Variants in CNTNAP2 observed in about 807,000 individuals in gnomAD.
CNTNAP2 encodes contactin associated protein 2.
CNTNAP2 carries 98 observed loss-of-function variants against 155.2 expected under a neutral mutation model. The observed-to-expected ratio is 0.63, with a 90% CI of 0.54 to 0.75. The LOEUF (loss-of-function observed/expected upper bound fraction) is 0.75, where lower values mean the gene tolerates loss of function less well. Among genes scored for constraint, CNTNAP2 ranks in the 30% least tolerant of loss-of-function variants. CNTNAP2 has a pLI of 0.00. For missense variants in CNTNAP2, 1,727 were observed against 1,688.1 expected (o/e 1.02, Z -0.40); for synonymous variants, 651 against 631.2 (o/e 1.03, Z -0.47).
intron 21 of CNTNAP2, among the ~76,000 whole-genome samples, chr7:148,337,596 C>T (rs886969): frequency 0.75 from 113,687 of 152,128 alleles, 42,930 homozygotes; most frequent in Non-Finnish European, 0.81. Flanking sequence ...TTCTCATCTG[C>T]GTCTTGCCAG....
At chr7:146,653,331 T>C (rs1799946550) in intron 1 of CNTNAP2, among the ~76,000 whole-genome samples, 1 of 152,110 alleles carries the variant, frequency 6.6e-6, no homozygotes, top group Non-Finnish European at 1.5e-5. Flanking sequence ...TTATTATCAA[T>C]GTTTATAGGG....
chr7:147,068,520 A>G (rs978300368), intron 4 of CNTNAP2, among the ~76,000 whole-genome samples: 1 of 152,018 alleles, frequency 6.6e-6, no homozygotes, highest in African/African-American at 2.4e-5. Context: ...CACCACGCCA[A>G]GCTAACTTTT....
intron 1 of CNTNAP2, among the ~76,000 whole-genome samples, chr7:146,500,269 A>G (rs1797281788): frequency 6.6e-6 from 1 of 152,290 alleles, no homozygotes; most frequent in Admixed American, 6.5e-5. Flanking sequence ...GCAGCACAGA[A>G]AGCCAATTAC....
intron 3 of CNTNAP2, among the ~76,000 whole-genome samples, chr7:146,966,370 T>C (rs956838911): frequency 6.6e-6 from 1 of 152,136 alleles, no homozygotes; most frequent in Non-Finnish European, 1.5e-5. Context: ...ACATGAAAAT[T>C]CATGTATAAA....
At chr7:146,675,149 A>G (rs1800376563) in intron 1 of CNTNAP2, among the ~76,000 whole-genome samples, 1 of 149,816 alleles carries the variant, frequency 6.7e-6, no homozygotes, top group African/African-American at 2.4e-5. Context: ...AGCACAGAGT[A>G]GGTATCCAGT....
Position 148,113,839 on chromosome 7 carries a change from C to T in CNTNAP2, c.2384-4279C>T, listed in dbSNP as rs963697572. Among the ~76,000 whole-genome samples the T allele has an allele frequency of 7.2e-5, 11 of 152,208 alleles. 2 individuals are homozygous for T. The South Asian group carries it at 8.3e-4, about 11-fold the overall frequency. ...TCTGTAAAGCTTTTGACTCCAGCCC[C>T]GGGCTGGGTCTCCAGTCCCTCTCTA... On this transcript the variant is annotated intron_variant, in intron 15 of 23. Transcript: ENST00000361727.
At chr7:146,936,337 A>T (rs962132202) in intron 3 of CNTNAP2, among the ~76,000 whole-genome samples, 14 of 152,156 alleles carry the variant, frequency 9.2e-5, no homozygotes, top group African/African-American at 3.4e-4. Context: ...AGAACAGACG[A>T]GGTTTTGTTT....
At chr7:147,104,873 CATATATATATATATATATATATATATAT>C (rs56674675) in intron 4 of CNTNAP2, among the ~76,000 whole-genome samples, 30 of 101,410 alleles carry the variant, frequency 3.0e-4, no homozygotes, top group South Asian at 2.5e-3. Context: ...CTTCCTCCCT[CATATATATATATATATATATATATATAT>C]ATATATATAT....
intron 9 of CNTNAP2, among the ~76,000 whole-genome samples, chr7:147,355,573 T>A (rs7805495): frequency 0.033 from 5,066 of 151,230 alleles, 289 homozygotes; most frequent in African/African-American, 0.12. Context: ...AAAGAGAGAA[T>A]CATATAGACA....
At position 148,094,761 on chromosome 7, in the gene CNTNAP2, T is replaced by G. The variant is rs534551484; in HGVS notation, c.2384-23357T>G. On this transcript the variant is annotated intron_variant, in intron 15 of 23. Coordinates refer to ENST00000361727, the MANE Select transcript of CNTNAP2 (RefSeq NM_014141.6). ...CCACTCTTGGCTGAGCGCAATGAGT[T>G]TGGTTTTAGACTTGCTCTTGCAAGC... is the stretch of plus-strand genomic sequence containing the variant. 5.9e-5 allele frequency among the ~76,000 whole-genome samples: 9 copies of G among 152,300 alleles called. No homozygotes were observed. The East Asian group carries it at 9.6e-4, about 16-fold the overall frequency.
chr7:147,861,083 A>C lies in CNTNAP2; in HGVS notation c.2099-42482A>C, dbSNP rs372535229. Among the ~76,000 whole-genome samples, 12 of 152,188 alleles carry C rather than the reference A, an allele frequency of 7.9e-5. No homozygotes were observed. In the East Asian group the frequency reaches 1.7e-3, roughly 22 times the overall value. Reference sequence around the variant, plus strand: ...TCTTGTAGGTGTTCCTTTCTATGTCAACCACACTTCTGTTTGTGATAAGGA... The same window carrying C: ...TCTTGTAGGTGTTCCTTTCTATGTCCACCACACTTCTGTTTGTGATAAGGA... On this transcript the variant is annotated intron_variant, in intron 13 of 23. Transcript: ENST00000361727.
intron 1 of CNTNAP2, among the ~76,000 whole-genome samples, chr7:146,251,179 A>C (rs934035349): frequency 9.2e-5 from 14 of 152,236 alleles, no homozygotes; most frequent in African/African-American, 3.4e-4. Context: ...AGACAAAGGC[A>C]TACAACTTTA....
chr7:147,104,209 A>T (rs973588040), intron 4 of CNTNAP2, among the ~76,000 whole-genome samples: 1 of 151,990 alleles, frequency 6.6e-6, no homozygotes, highest in African/African-American at 2.4e-5. Flanking sequence ...TAAATCTAAA[A>T]TTTTTCCAAA....
rs139117896 is a variant in CNTNAP2 at position 148,231,862 on chromosome 7, G to A, written c.3381+2083G>A. On this transcript the variant is annotated intron_variant, in intron 20 of 23. Coordinates refer to ENST00000361727, the MANE Select transcript of CNTNAP2 (RefSeq NM_014141.6). ...CTTGGGAAACTCCCTCAAAAGAACAGAATGCAGTTCCAGAAAAAGGAAGGA... is the reference window on the plus strand; with the variant it reads ...CTTGGGAAACTCCCTCAAAAGAACAAAATGCAGTTCCAGAAAAAGGAAGGA... 2.0e-3 allele frequency among the ~76,000 whole-genome samples: 307 copies of A among 152,280 alleles called. 3 individuals are homozygous for A. The highest frequency in any genetic ancestry group is 3.4e-3 in the Non-Finnish European group (232 of 68,032).
At chr7:146,129,464 A>T (rs1167413457) in intron 1 of CNTNAP2, among the ~76,000 whole-genome samples, 1 of 152,156 alleles carries the variant, frequency 6.6e-6, no homozygotes, top group Non-Finnish European at 1.5e-5. Flanking sequence ...AAGACAAACC[A>T]TGCTAGCTAC....
In CNTNAP2 at chr7:146,666,253, G is replaced by T. The variant is rs552499864; in HGVS notation, c.98-108018G>T. Among the ~76,000 whole-genome samples the T allele has an allele frequency of 2.6e-5, 4 of 152,134 alleles. No homozygotes were observed. In the East Asian group the frequency reaches 7.8e-4, roughly 29 times the overall value. ...TTGAGTGAGAATATGTAGTGTTTAA[G>T]GATCCTGTTCCTGGCTTATGTCACT... is the stretch of plus-strand genomic sequence containing the variant. On this transcript the variant is annotated intron_variant, in intron 1 of 23. Coordinates refer to ENST00000361727, the MANE Select transcript of CNTNAP2 (RefSeq NM_014141.6).
chr7:148,355,166 C>CTTTTTCTTTTTT (rs1798490195), intron 21 of CNTNAP2, among the ~76,000 whole-genome samples: 1 of 41,022 alleles, frequency 2.4e-5, no homozygotes, highest in Non-Finnish European at 4.1e-5. Context: ...CCGCCAGCTG[C>CTTTTTCTTTTTT]TTTTTTTTTT....
chr7:146,795,025 A>T (rs757814520), intron 2 of CNTNAP2, among the ~76,000 whole-genome samples: 6 of 152,168 alleles, frequency 3.9e-5, no homozygotes, highest in Non-Finnish European at 8.8e-5. Flanking sequence ...AAGCAGGGGC[A>T]CCCATTGCCT....
At chr7:147,735,909 T>C (rs1240857277) in intron 13 of CNTNAP2, among the ~76,000 whole-genome samples, 1 of 151,294 alleles carries the variant, frequency 6.6e-6, no homozygotes, top group Non-Finnish European at 1.5e-5. Context: ...TTTGAGCCTA[T>C]GTGTGTCTCT....
Sources: gnomAD v4.1 joint callset for allele counts (sites outside exome capture counted in the v4.1 genomes callset) on GRCh38, gnomAD v4.1.1 for gene constraint, MANE v1.5 for transcripts, NCBI Gene and HGNC (gene_info 2026-07-23, HGNC 2026-07-21) for gene names.